The following FMNL2 variants were observed in gnomAD, a reference collection of about 807,000 sequenced individuals.
The protein encoded by FMNL2 is formin-like protein 2.
In FMNL2, 51 loss-of-function variants were observed where a neutral mutation model predicts 130.2. The ratio of observed to expected loss-of-function variants is 0.39; its 90% CI spans 0.31 to 0.49. The LOEUF (loss-of-function observed/expected upper bound fraction) is 0.49, where lower values mean the gene tolerates loss of function less well. Ranked by LOEUF, FMNL2 falls within the 20% of genes least tolerant of loss-of-function variation. The probability of loss-of-function intolerance (pLI) is 0.85; values close to 1 mark genes in which losing one functional copy is unlikely to be tolerated. For missense variants in FMNL2, 977 were observed against 1,316.2 expected, an observed-to-expected ratio of 0.74 and a Z score of 3.99; for synonymous variants, 465 against 467.1, an observed-to-expected ratio of 1.00 and a Z score of 0.06.
intron 1 of FMNL2, among the ~76,000 whole-genome samples, chr2:152,433,014 C>T (rs151155085): frequency 2.6e-5 from 4 of 152,320 alleles, no homozygotes; most frequent in African/African-American, 7.2e-5. Context: ...ATACTAGCAG[C>T]GCTTACCTCA....
chr2:152,572,668 A>G (rs1396768423), intron 6 of FMNL2, among the ~76,000 whole-genome samples: 23 of 152,190 alleles, frequency 1.5e-4, no homozygotes, highest in Admixed American at 1.5e-3. Flanking sequence ...TCTTGAGCCC[A>G]GGAATCTGAG....
chr2:152,591,832 C>T (rs796598129), intron 9 of FMNL2, among the ~76,000 whole-genome samples: 4 of 151,918 alleles, frequency 2.6e-5, no homozygotes, highest in South Asian at 2.1e-4. Flanking sequence ...CAGCCAGGTG[C>T]GGTGGCTAAC....
chr2:152,461,344 G>T (rs1346205033), intron 1 of FMNL2, among the ~76,000 whole-genome samples: 1 of 137,998 alleles, frequency 7.2e-6, no homozygotes, highest in Non-Finnish European at 1.5e-5. Context: ...AAGATTACTA[G>T]TGAGATATTT....
In FMNL2 at chr2:152,637,777, C is replaced by G. The variant is rs567569822; in HGVS notation, c.2946+103C>G. The G allele has an allele frequency of 4.3e-5, 43 of 999,252 alleles. No individual in the cohort carries two copies. The South Asian group carries it at 5.9e-4, about 14-fold the overall frequency. The allele number at this position is 999,252 out of a possible 1,614,324, so 61.9% of individuals were successfully genotyped here. ...GCAGAGGCCTCCCAGTTCCTGTGGACAGCAGATCTGGGTGGCATTCACGAG... is the reference window on the plus strand; with the variant it reads ...GCAGAGGCCTCCCAGTTCCTGTGGAGAGCAGATCTGGGTGGCATTCACGAG... On this transcript the variant is annotated intron_variant, in intron 23 of 25. Coordinates refer to ENST00000288670, the MANE Select transcript of FMNL2 (RefSeq NM_052905.4).
intron 9 of FMNL2, among the ~76,000 whole-genome samples, chr2:152,588,600 C>T (rs1697216324): frequency 6.6e-6 from 1 of 152,108 alleles, no homozygotes; most frequent in Non-Finnish European, 1.5e-5. Context: ...ACACATCATT[C>T]AGCCTGTCAC....
intron 4 of FMNL2, among the ~76,000 whole-genome samples, chr2:152,553,876 G>A (rs962086216): frequency 1.3e-5 from 2 of 152,006 alleles, no homozygotes; most frequent in Admixed American, 1.3e-4. Context: ...GTTAATAGTT[G>A]GCAGCTAGAT....
intron 1 of FMNL2, among the ~76,000 whole-genome samples, chr2:152,341,070 T>A (rs1681772943): frequency 1.3e-5 from 2 of 152,222 alleles, no homozygotes; most frequent in Admixed American, 1.3e-4. Flanking sequence ...GGAAAGCACT[T>A]GCCATAAAGT....
At chr2:152,372,965 TAGGTGGGGCATATAAGGGA>T (rs909342776) in intron 1 of FMNL2, among the ~76,000 whole-genome samples, 7 of 152,156 alleles carry the variant, frequency 4.6e-5, no homozygotes, top group Non-Finnish European at 8.8e-5. Context: ...GTCTTTGGGT[TAGGTGGGGCATATAAGGGA>T]ACATGGTGAA....
rs573726614 is a variant in FMNL2, at chr2:152,642,066, A to G, written c.3169+1152A>G. The stretch of plus-strand genomic sequence containing the variant: ...CACCATTCTTCTGCCTCAGCCTCCC[A>G]AGTAGCTGGGACTACAGGCGCCCAC... On this transcript the variant is annotated intron_variant, in intron 25 of 25. Coordinates refer to ENST00000288670, the MANE Select transcript of FMNL2 (RefSeq NM_052905.4). Among the ~76,000 whole-genome samples the G allele has an allele frequency of 2.0e-5, 3 of 152,034 alleles. No homozygotes were observed. In the South Asian group the frequency reaches 6.2e-4, roughly 32 times the overall value.
rs1681357791 is a variant in FMNL2 at position 152,335,596 on chromosome 2, C to T, written c.-8C>T. ...CGGAGCAGCCCCCGGCCCCGGCGCGCCGCCGACATGGGCAACGCAGGGAGC... is the reference window on the plus strand; with the variant it reads ...CGGAGCAGCCCCCGGCCCCGGCGCGTCGCCGACATGGGCAACGCAGGGAGC... On this transcript the variant is annotated 5_prime_UTR_variant, in exon 1 of 26. Coordinates refer to ENST00000288670, the MANE Select transcript of FMNL2 (RefSeq NM_052905.4). The T allele has an allele frequency of 6.3e-7, 1 of 1,581,948 alleles. No individual in the cohort carries two copies. The highest frequency in any genetic ancestry group is 8.6e-7 in the Non-Finnish European group (1 of 1,163,958).
At chr2:152,532,282 G>A (rs1178039477) in intron 2 of FMNL2, among the ~76,000 whole-genome samples, 1 of 152,098 alleles carries the variant, frequency 6.6e-6, no homozygotes, top group African/African-American at 2.4e-5. Context: ...TTGATATACT[G>A]TTTTTAATTA....
At chr2:152,440,415 C>A (rs1486610235) in intron 1 of FMNL2, among the ~76,000 whole-genome samples, 3 of 152,238 alleles carry the variant, frequency 2.0e-5, no homozygotes, top group Non-Finnish European at 2.9e-5. Flanking sequence ...GCCATAAATG[C>A]TAACATCTAC....
intron 1 of FMNL2, among the ~76,000 whole-genome samples, chr2:152,407,407 GT>G (rs1266317425): frequency 2.0e-5 from 3 of 151,968 alleles, no homozygotes; most frequent in Admixed American, 6.6e-5. Context: ...GTGTGTCAGT[GT>G]CTGCCTTTCT....
At chr2:152,499,479 C>T (rs1691690437) in intron 1 of FMNL2, among the ~76,000 whole-genome samples, 1 of 152,124 alleles carries the variant, frequency 6.6e-6, no homozygotes, top group Admixed American at 6.5e-5. Context: ...AGGTCTTGTA[C>T]TCATGACTAT....
At chr2:152,432,582 G>A (rs1687555291) in intron 1 of FMNL2, among the ~76,000 whole-genome samples, 1 of 152,130 alleles carries the variant, frequency 6.6e-6, no homozygotes, top group Non-Finnish European at 1.5e-5. Flanking sequence ...TTTGTACCTT[G>A]TGTGACCTTT....
intron 2 of FMNL2, among the ~76,000 whole-genome samples, chr2:152,532,608 CT>C (rs1195434019): frequency 1.2e-5 from 1 of 86,818 alleles, no homozygotes; most frequent in Admixed American, 2.0e-4. Context: ...AATTTTTTTT[CT>C]TATTTTTTTT....
At chr2:152,418,248 A>T (rs11897348) in intron 1 of FMNL2, among the ~76,000 whole-genome samples, 10,306 of 152,070 alleles carry the variant, frequency 0.068, 613 homozygotes, top group Admixed American at 0.2. Flanking sequence ...TTTCTTTTTC[A>T]TTTCATTTTT....
At chr2:152,479,172 C>T (rs536861289) in intron 1 of FMNL2, among the ~76,000 whole-genome samples, 54 of 152,038 alleles carry the variant, frequency 3.6e-4, no homozygotes, top group Non-Finnish European at 7.1e-4. Context: ...TGCCCAGGCT[C>T]GAGTTCACTG....
intron 1 of FMNL2, among the ~76,000 whole-genome samples, chr2:152,485,358 G>T (rs1358870738): frequency 6.6e-6 from 1 of 152,186 alleles, no homozygotes; most frequent in African/African-American, 2.4e-5. Context: ...AGGCATGGTG[G>T]TGTGCACCTG....
Sources: allele counts gnomAD v4.1 joint callset (sites outside exome capture counted in the v4.1 genomes callset), GRCh38; gene constraint gnomAD v4.1.1; transcripts MANE v1.5; gene names NCBI Gene and HGNC (gene_info 2026-07-23, HGNC 2026-07-21).